The following PTGES3 variants were observed in gnomAD, a reference collection of about 807,000 sequenced individuals.
The protein encoded by PTGES3 is prostaglandin E synthase 3, also known as Hsp90 co-chaperone.
In PTGES3, 5 loss-of-function variants were observed where a neutral mutation model predicts 29.9. The ratio of observed to expected loss-of-function variants is 0.17; its 90% CI spans 0.09 to 0.35. PTGES3 has a LOEUF of 0.35. Ranked by LOEUF, PTGES3 falls within the 10% of genes least tolerant of loss-of-function variation. PTGES3 has a pLI of 1.00. For synonymous variants in PTGES3, 49 were observed against 57.8 expected, an observed-to-expected ratio of 0.85 and a Z score of 0.69; for missense variants, 128 against 190.0, an observed-to-expected ratio of 0.67 and a Z score of 1.92.
At chr12:56,686,649 T>C (rs1189693288) in intron 1 of PTGES3, among the ~76,000 whole-genome samples, 7 of 152,088 alleles carry the variant, frequency 4.6e-5, no homozygotes, top group Non-Finnish European at 1.0e-4. Context: ...AGTGCTGGGA[T>C]CACAGTTGTG....
intron 1 of PTGES3, among the ~76,000 whole-genome samples, chr12:56,679,799 C>G (rs182066220): frequency 6.6e-6 from 1 of 152,138 alleles, no homozygotes; most frequent in African/African-American, 2.4e-5. Context: ...CTTAGCCTCC[C>G]GAGTAGCTGG....
intron 1 of PTGES3, among the ~76,000 whole-genome samples, chr12:56,685,770 CTTTTTTTTTTTTT>C (rs9325161): frequency 1.4e-5 from 1 of 71,900 alleles, no homozygotes; most frequent in Non-Finnish European, 2.5e-5. Context: ...GCTACACTTA[CTTTTTTTTTTTTT>C]TTTTTTTTTT....
At chr12:56,666,425 G>A (rs1951789005) in intron 5 of PTGES3, among the ~76,000 whole-genome samples, 159 bp from the exon 6 acceptor site, 1 of 152,036 alleles carries the variant, frequency 6.6e-6, no homozygotes, top group Non-Finnish European at 1.5e-5. Context: ...GAAGATTATA[G>A]GTAATTATAC....
chr12:56,685,522 T>C (rs1436619228), intron 1 of PTGES3, among the ~76,000 whole-genome samples: 1 of 150,330 alleles, frequency 6.7e-6, no homozygotes, highest in Non-Finnish European at 1.5e-5. Context: ...TGCCTTAGCC[T>C]CCCAAGTAGC....
At chr12:56,665,282 ATCT>A in intron 6 of PTGES3, 8 of 925,100 alleles carry the variant, frequency 8.6e-6, no homozygotes, top group Non-Finnish European at 1.0e-5. Context: ...TCCAATGTCC[ATCT>A]TTTTTTTTTT....
At position 56,675,521 on chromosome 12, in the gene PTGES3, CAAA is replaced by C. The variant is rs58270146; in HGVS notation, c.3-2459_3-2457del. 5.4e-3 allele frequency among the ~76,000 whole-genome samples: 501 copies of C among 92,018 alleles called. 7 individuals carry two copies. Among genetic ancestry groups the C allele is most frequent in the African/African-American group, 0.016 (488 of 29,738 alleles). 60.4% of individuals were successfully genotyped at this position (92,018 alleles called of 152,430 possible). ...TCTAGCCTAGGCAACAGAATGAGAC[CAAA>C]AAAAAAAAAAAAAAAAATGTGAATG... On this transcript the variant is annotated intron_variant, in intron 1 of 7. Transcript: ENST00000262033.
At chr12:56,672,863 T>C in intron 2 of PTGES3, 54 bp from the exon 3 acceptor site, 1 of 1,551,294 alleles carries the variant, frequency 6.4e-7, no homozygotes, top group South Asian at 1.2e-5. Flanking sequence ...CAAAGATTAA[T>C]AATAACTTCA....
At chr12:56,682,075 G>A (rs932898334) in intron 1 of PTGES3, among the ~76,000 whole-genome samples, 1 of 152,008 alleles carries the variant, frequency 6.6e-6, no homozygotes, top group African/African-American at 2.4e-5. Flanking sequence ...TGGAACTCCT[G>A]ACCACAAGTG....
intron 1 of PTGES3, among the ~76,000 whole-genome samples, chr12:56,684,533 G>A (rs529355630): frequency 7.6e-4 from 116 of 152,272 alleles, no homozygotes; most frequent in African/African-American, 2.6e-3. Flanking sequence ...ACAGCTGAAT[G>A]ACAGGAAGAT....
chr12:56,685,223 T>C lies in PTGES3; in HGVS notation c.2+2775A>G, dbSNP rs533240496. Among the ~76,000 whole-genome samples the C allele has an allele frequency of 1.1e-4, 17 of 152,282 alleles. 1 individual carries two copies. The South Asian group carries it at 3.5e-3, about 32-fold the overall frequency. On this transcript the variant is annotated intron_variant, in intron 1 of 7. Coordinates refer to ENST00000262033, the MANE Select transcript of PTGES3 (RefSeq NM_006601.7). ...ACTTCAAATAACTGACTTACAACTT[T>C]CATTTTAAAATTTAAGTCTTTAGCT...
chr12:56,687,648 C>T (rs564267307), intron 1 of PTGES3: 2 of 1,194,716 alleles, frequency 1.7e-6, no homozygotes, highest in Admixed American at 8.9e-5. Context: ...AGGCGACCCA[C>T]GAAGGTTCAC....
At chr12:56,679,912 T>C (rs1032310110) in intron 1 of PTGES3, among the ~76,000 whole-genome samples, 1 of 151,968 alleles carries the variant, frequency 6.6e-6, no homozygotes, top group Non-Finnish European at 1.5e-5. Context: ...TGACCTCAAG[T>C]GATCCACCTG....
intron 4 of PTGES3, among the ~76,000 whole-genome samples, chr12:56,671,343 G>A (rs776038511): frequency 2.0e-4 from 31 of 152,294 alleles, no homozygotes; most frequent in Non-Finnish European, 3.5e-4. Flanking sequence ...AGGCTGCAGT[G>A]AGCCAAGATC....
chr12:56,673,147 C>A, intron 1 of PTGES3, 82 bp from the exon 2 acceptor site: 1 of 865,756 alleles, frequency 1.2e-6, no homozygotes. Context: ...ACCATTATAG[C>A]ATTATTTCAG....
At position 56,686,986 on chromosome 12, in the gene PTGES3, T is replaced by C. The variant is rs751963277; in HGVS notation, c.2+1012A>G. ...TACCTTTTAGGACGTAGTTAGTACC[T>C]TGAAAAATAACCTCCCGTCAAAAAA... is the stretch of plus-strand genomic sequence containing the variant. On this transcript the variant is annotated intron_variant, in intron 1 of 7. Coordinates refer to ENST00000262033, the MANE Select transcript of PTGES3 (RefSeq NM_006601.7). 112 of 282,088 alleles carry C rather than the reference T, an allele frequency of 4.0e-4. No individual in the cohort carries two copies. In the Middle Eastern group the frequency reaches 4.1e-3, roughly 10 times the overall value. The allele number at this position is 282,088 out of a possible 1,614,324, so 17.5% of individuals were successfully genotyped here.
chr12:56,668,849 T>TA (rs1382781465), intron 5 of PTGES3, among the ~76,000 whole-genome samples: 5 of 152,166 alleles, frequency 3.3e-5, no homozygotes, highest in Non-Finnish European at 7.3e-5. Flanking sequence ...TTTCTGTACT[T>TA]AGTTTTATTC....
chr12:56,678,650 G>A (rs1565871917), intron 1 of PTGES3, among the ~76,000 whole-genome samples: 1 of 152,186 alleles, frequency 6.6e-6, no homozygotes, highest in Non-Finnish European at 1.5e-5. Flanking sequence ...TAACTCACCA[G>A]ATACTAACAT....
In PTGES3 at chr12:56,664,034, G is replaced by GC. The variant is rs1336916667; in HGVS notation, c.*444dup. 6.3e-6 allele frequency: 1 copy of GC among 157,660 alleles called. No individual in the cohort carries two copies. The highest frequency in any genetic ancestry group is 1.4e-5 in the Non-Finnish European group (1 of 71,752). 9.8% of individuals were successfully genotyped at this position (157,660 alleles called of 1,614,324 possible). On this transcript the variant is annotated 3_prime_UTR_variant, in exon 8 of 8. Transcript: ENST00000262033. ...CCTGAAGGATAACACCAGAAGAATA[G>GC]CAGGTTACCAGTAAGGTGTCAGCCA...
At chr12:56,666,407 T>G (rs1224158693) in intron 5 of PTGES3, 141 bp from the exon 6 acceptor site, 1 of 1,071,526 alleles carries the variant, frequency 9.3e-7, no homozygotes, top group African/African-American at 1.7e-5. Context: ...CTTTCCCTTC[T>G]GGAAAAGGAA....
Sources: allele counts gnomAD v4.1 joint callset (sites outside exome capture counted in the v4.1 genomes callset), GRCh38; gene constraint gnomAD v4.1.1; transcripts MANE v1.5; gene names NCBI Gene and HGNC (gene_info 2026-07-23, HGNC 2026-07-21).